UTRN: variants seen among roughly 807,000 people sequenced by gnomAD.
UTRN encodes the protein utrophin.
A neutral mutation model predicts 463.9 loss-of-function variants in UTRN; 283 were observed. The observed-to-expected ratio is 0.61, with a 90% CI of 0.55 to 0.67. The LOEUF is 0.67. Ranked by LOEUF, UTRN falls within the 30% of genes least tolerant of loss-of-function variation. UTRN has a pLI of 0.00. For missense variants in UTRN, 3,922 were observed against 4,084.3 expected, an observed-to-expected ratio of 0.96 and a Z score of 1.08; for synonymous variants, 1,442 against 1,431.5, an observed-to-expected ratio of 1.01 and a Z score of -0.17.
rs60715255 is a variant in UTRN at position 144,691,961 on chromosome 6, G to A, written c.7653-8126G>A. ...ATATAGGTAAACTAGTGTCATGGGG[G>A]TTTGTTGCACAGATTATTTCATCAC... is the stretch of plus-strand genomic sequence containing the variant. On this transcript the variant is annotated intron_variant, in intron 52 of 74. Transcript: ENST00000367545. Among the ~76,000 whole-genome samples the A allele has an allele frequency of 3.0e-3, 452 of 152,182 alleles. 20 individuals carry two copies. In the East Asian group the frequency reaches 0.066, roughly 22 times the overall value.
chr6:144,611,774 T>C (rs1383813071), intron 51 of UTRN, among the ~76,000 whole-genome samples: 1 of 152,194 alleles, frequency 6.6e-6, no homozygotes, highest in Non-Finnish European at 1.5e-5. Flanking sequence ...AAAATTTCCA[T>C]ACTACCCAAT....
At chr6:144,803,990 G>A (rs73594595) in intron 65 of UTRN, among the ~76,000 whole-genome samples, 1,542 of 151,990 alleles carry the variant, frequency 0.01, 26 homozygotes, top group African/African-American at 0.034. Flanking sequence ...ACCAGTATTG[G>A]ACATAAGTTC....
intron 2 of UTRN, among the ~76,000 whole-genome samples, chr6:144,354,690 G>A (rs1452829177): frequency 6.6e-6 from 1 of 152,058 alleles, no homozygotes; most frequent in Non-Finnish European, 1.5e-5. Context: ...CACTCCTATG[G>A]TCGGTCAAGG....
intron 46 of UTRN, among the ~76,000 whole-genome samples, chr6:144,546,815 A>AAAAAC (rs1554285577): frequency 3.9e-5 from 6 of 151,982 alleles, no homozygotes; most frequent in African/African-American, 1.2e-4. Context: ...TCTCAAAGAA[A>AAAAAC]AAACAAACAA....
chr6:144,656,843 C>A (rs1439733912), intron 51 of UTRN, among the ~76,000 whole-genome samples: 3 of 151,862 alleles, frequency 2.0e-5, no homozygotes, highest in Non-Finnish European at 4.4e-5. Flanking sequence ...GTATAGTTAC[C>A]CTGTGATTAA....
At chr6:144,471,153 G>C (rs1790612277) in intron 23 of UTRN, among the ~76,000 whole-genome samples, 2 of 151,668 alleles carry the variant, frequency 1.3e-5, no homozygotes, top group Non-Finnish European at 2.9e-5. Flanking sequence ...GTCAGAGGGA[G>C]AGAAGGAACA....
chr6:144,531,639 C>T (rs12663647), intron 42 of UTRN, among the ~76,000 whole-genome samples: 12,550 of 152,104 alleles, frequency 0.083, 1,130 homozygotes, highest in East Asian at 0.54. Flanking sequence ...AGGGCAGCTG[C>T]TCATGTAAGT....
chr6:144,521,955 A>ATAT lies in UTRN; in HGVS notation c.5542-24_5542-23insATT, dbSNP rs1554278042. ...TTAAGAGATATATATATATATATAT[A>ATAT]TTTTTTTTTTTGCTGTTTTTGTAGG... On this transcript the variant is annotated intron_variant, in intron 39 of 74. Coordinates refer to ENST00000367545, the MANE Select transcript of UTRN (RefSeq NM_007124.3). The ATAT allele has an allele frequency of 1.3e-3, 1,224 of 942,394 alleles. 10 individuals are homozygous for ATAT. In the East Asian group the frequency reaches 0.039, roughly 30 times the overall value. 58.4% of individuals were successfully genotyped at this position (942,394 alleles called of 1,614,324 possible).
chr6:144,321,769 CTTT>C (rs59340673), intron 2 of UTRN, among the ~76,000 whole-genome samples: 3 of 135,528 alleles, frequency 2.2e-5, no homozygotes, highest in South Asian at 2.4e-4. Context: ...TGTGCCTGGC[CTTT>C]TTTTTTTTTT....
chr6:144,754,951 T>G (rs1320152745), intron 57 of UTRN, among the ~76,000 whole-genome samples, 153 bp downstream of exon 57: 1 of 152,190 alleles, frequency 6.6e-6, no homozygotes, highest in Non-Finnish European at 1.5e-5. Flanking sequence ...TATTGCTTAA[T>G]GGTTATTATT....
intron 50 of UTRN, among the ~76,000 whole-genome samples, chr6:144,573,288 C>T (rs910359045): frequency 6.6e-6 from 1 of 152,054 alleles, no homozygotes; most frequent in East Asian, 1.9e-4. Context: ...CACAGTGGCT[C>T]AGCCTGTAAT....
chr6:144,558,375 A>G (rs1195874227), intron 50 of UTRN, among the ~76,000 whole-genome samples: 1 of 152,206 alleles, frequency 6.6e-6, no homozygotes, highest in Non-Finnish European at 1.5e-5. Flanking sequence ...CAGAGTGGCT[A>G]TAATATTGGT....
Position 144,816,800 on chromosome 6 carries a change from G to C in UTRN, c.9358-4082G>C, listed in dbSNP as rs549776812. On this transcript the variant is annotated intron_variant, in intron 65 of 74. Coordinates refer to ENST00000367545, the MANE Select transcript of UTRN (RefSeq NM_007124.3). ...TTGCCGTGTTGCCCAGGCTGGTCTC[G>C]AACTCCTGAGTTGAAGCAATCTGCC... Among the ~76,000 whole-genome samples the C allele has an allele frequency of 9.2e-4, 133 of 144,948 alleles. 1 individual carries two copies. The highest frequency in any genetic ancestry group is 8.6e-4 in the Admixed American group (12 of 13,936).
chr6:144,577,204 A>G lies in UTRN; in HGVS notation c.7395A>G (p.Thr2465=). Residue 2465 remains threonine, a synonymous_variant, in exon 51 of 75, where the codon ACA becomes ACG. Coordinates refer to ENST00000367545, the MANE Select transcript of UTRN (RefSeq NM_007124.3). ...AGTGGATCCAAGAAGCAGAGACCAC[A>G]GTGAATGTGCTTGTGGATGCCTCTC... ...FLKWIQEAET[T]VNVLVDASHR... 2 of 1,614,006 alleles carry G rather than the reference A, an allele frequency of 1.2e-6. No homozygotes were observed. Among genetic ancestry groups the G allele is most frequent in the South Asian group, 1.1e-5 (1 of 91,090 alleles).
chr6:144,825,800 T>C lies in UTRN; in HGVS notation c.9495-1548T>C, dbSNP rs77298941. On this transcript the variant is annotated intron_variant, in intron 66 of 74. Coordinates refer to ENST00000367545, the MANE Select transcript of UTRN (RefSeq NM_007124.3). The stretch of plus-strand genomic sequence containing the variant: ...CACCTGACATTTAACATATTCAGGG[T>C]TAATGAAGAACAGTGACGTGGAAAT... Among the ~76,000 whole-genome samples the C allele has an allele frequency of 7.9e-3, 1,203 of 152,214 alleles. 16 individuals carry two copies. The highest frequency in any genetic ancestry group is 0.026 in the African/African-American group (1,061 of 41,536).
chr6:144,752,124 C>A (rs1791465940), intron 56 of UTRN, among the ~76,000 whole-genome samples, 172 bp downstream of exon 56: 1 of 152,042 alleles, frequency 6.6e-6, no homozygotes, highest in Non-Finnish European at 1.5e-5. Flanking sequence ...AACCTAAAGG[C>A]CTCATTTATT....
rs78491281 is a variant in UTRN, at chr6:144,418,069, T to C, written c.142-3809T>C. Among the ~76,000 whole-genome samples the C allele has an allele frequency of 4.9e-4, 74 of 152,254 alleles. 1 individual carries two copies. The East Asian group carries it at 0.013, about 26-fold the overall frequency. ...ACATCAACCATTTAATGAACATCTGTCATCTTAGTTTAACAGGTAAACAAA... is the reference window on the plus strand; with the variant it reads ...ACATCAACCATTTAATGAACATCTGCCATCTTAGTTTAACAGGTAAACAAA... On this transcript the variant is annotated intron_variant, in intron 3 of 74. Coordinates refer to ENST00000367545, the MANE Select transcript of UTRN (RefSeq NM_007124.3).
At chr6:144,699,088 A>G (rs1490742946) in intron 52 of UTRN, among the ~76,000 whole-genome samples, 2 of 152,154 alleles carry the variant, frequency 1.3e-5, no homozygotes, top group Non-Finnish European at 2.9e-5. Flanking sequence ...TTTGGTTACA[A>G]CAGAAGGAGT....
intron 60 of UTRN, among the ~76,000 whole-genome samples, chr6:144,781,273 A>C (rs1307867410): frequency 6.6e-6 from 1 of 152,208 alleles, no homozygotes; most frequent in Non-Finnish European, 1.5e-5. Context: ...ACTTCTTCTT[A>C]GCTACAGGTC....
Sources: allele counts gnomAD v4.1 joint callset (sites outside exome capture counted in the v4.1 genomes callset), GRCh38; gene constraint gnomAD v4.1.1; transcripts MANE v1.5; gene names NCBI Gene and HGNC (gene_info 2026-07-23, HGNC 2026-07-21).